The following DNMBP variants were observed in gnomAD, a reference collection of about 807,000 sequenced individuals.
The protein encoded by DNMBP is dynamin-binding protein.
Under a neutral mutation model 150.0 loss-of-function variants are expected in DNMBP, and 87 were observed. The observed-to-expected ratio is 0.58, with a 90% CI of 0.49 to 0.69. The LOEUF (loss-of-function observed/expected upper bound fraction) is 0.69, where lower values mean the gene tolerates loss of function less well. DNMBP is among the 30% of genes least tolerant of loss of function. DNMBP has a pLI of 0.00. For synonymous variants in DNMBP, 711 were observed against 750.4 expected, an observed-to-expected ratio of 0.95 and a Z score of 0.86; for missense variants, 1,774 against 1,949.0, an observed-to-expected ratio of 0.91 and a Z score of 1.69.
rs544221244 is a variant in DNMBP at position 99,978,421 on chromosome 10, C to A, written c.-10-6287G>T. Among the ~76,000 whole-genome samples the A allele has an allele frequency of 2.0e-5, 3 of 152,248 alleles. No homozygotes were observed. The South Asian group carries it at 6.2e-4, about 32-fold the overall frequency. ...CTGCAGTTACTTTATCACATATTATCTATCCCTTTATTCGTTTATCAATTT... is the reference window on the plus strand; with the variant it reads ...CTGCAGTTACTTTATCACATATTATATATCCCTTTATTCGTTTATCAATTT... On this transcript the variant is annotated intron_variant, in intron 1 of 16. Coordinates refer to ENST00000324109, the MANE Select transcript of DNMBP (RefSeq NM_015221.4).
Position 100,005,781 on chromosome 10 carries a change from AAAACC to A in DNMBP, c.-11+4052_-11+4056del, listed in dbSNP as rs1175992299. On this transcript the variant is annotated intron_variant, in intron 1 of 16. Coordinates refer to ENST00000324109, the MANE Select transcript of DNMBP (RefSeq NM_015221.4). ...AAAGTCTCCAAAAAAAAAAAAAAAA[AAAACC>A]AAACTACATAAAGGAAAATGAATTA... Among the ~76,000 whole-genome samples the A allele has an allele frequency of 1.4e-3, 180 of 132,352 alleles. 5 individuals carry two copies. Among genetic ancestry groups the A allele is most frequent in the South Asian group, 8.4e-3 (37 of 4,428 alleles). 86.8% of individuals were successfully genotyped at this position (132,352 alleles called of 152,430 possible).
At chr10:99,943,022 C>T (rs1050793163) in intron 4 of DNMBP, among the ~76,000 whole-genome samples, 4 of 152,130 alleles carry the variant, frequency 2.6e-5, no homozygotes, top group Admixed American at 2.6e-4. Context: ...GTGGCTTACA[C>T]CTGTAATCCC....
chr10:99,909,226 A>C, intron 4 of DNMBP, 80 bp from the exon 5 acceptor site: 1 of 1,162,882 alleles, frequency 8.6e-7, no homozygotes, highest in Non-Finnish European at 1.2e-6. Context: ...AACAGAACCC[A>C]TTTCCTGAGA....
At position 99,884,215 on chromosome 10, in the gene DNMBP, A is replaced by AG. The variant is rs2039420178; in HGVS notation, c.3799-7dup. 1 of 1,608,292 alleles carries AG rather than the reference A, an allele frequency of 6.2e-7. No homozygotes were observed. Among genetic ancestry groups the AG allele is most frequent in the Non-Finnish European group, 8.5e-7 (1 of 1,176,340 alleles). On this transcript the variant is annotated splice_polypyrimidine_tract_variant and splice_region_variant and intron_variant, in intron 14 of 16. Coordinates refer to ENST00000324109, the MANE Select transcript of DNMBP (RefSeq NM_015221.4). ...GACTGTAGCATGTAACTTGGCTGAA[A>AG]GGTAAGACGTTAACAAAAATCTCTC...
chr10:99,890,245 A>G (rs1252665436), intron 11 of DNMBP, among the ~76,000 whole-genome samples: 2 of 152,222 alleles, frequency 1.3e-5, no homozygotes, highest in Non-Finnish European at 2.9e-5. Context: ...ATATCAGCCC[A>G]TATGCCAATG....
intron 11 of DNMBP, 88 bp downstream of exon 11, chr10:99,894,858 G>A: frequency 1.0e-6 from 1 of 1,003,070 alleles, no homozygotes; most frequent in Non-Finnish European, 1.5e-6. Context: ...AGATTACTCA[G>A]CATTCATTAA....
intron 1 of DNMBP, among the ~76,000 whole-genome samples, chr10:99,993,246 G>T (rs775959892): frequency 2.6e-5 from 4 of 152,128 alleles, no homozygotes; most frequent in Non-Finnish European, 5.9e-5. Flanking sequence ...GCATTGGGAT[G>T]TATTCTGGTA....
intron 1 of DNMBP, among the ~76,000 whole-genome samples, chr10:99,973,449 C>G (rs912834697): frequency 2.0e-5 from 3 of 152,122 alleles, no homozygotes; most frequent in Admixed American, 6.5e-5. Context: ...AAATACAATA[C>G]TTTAAAAAGT....
intron 1 of DNMBP, among the ~76,000 whole-genome samples, chr10:99,993,619 T>C (rs182437959): frequency 1.5e-3 from 223 of 152,182 alleles, no homozygotes; most frequent in African/African-American, 4.9e-3. Context: ...CTGGGCAACA[T>C]AGTGAGACTG....
chr10:99,891,752 A>C (rs1389116089), intron 11 of DNMBP, among the ~76,000 whole-genome samples: 3 of 137,806 alleles, frequency 2.2e-5, no homozygotes, highest in Admixed American at 1.4e-4. Flanking sequence ...GGCCGCCATC[A>C]CATCTAGGAA....
In DNMBP at chr10:99,954,202, A is replaced by AT. The variant is rs563780070; in HGVS notation, c.2260+1011dup. 3.4e-3 allele frequency among the ~76,000 whole-genome samples: 513 copies of AT among 151,612 alleles called. 3 individuals carry two copies. Among genetic ancestry groups the AT allele is most frequent in the African/African-American group, 0.011 (471 of 41,342 alleles). On this transcript the variant is annotated intron_variant, in intron 4 of 16. Transcript: ENST00000324109. ...GATATACCACCACTCCTGGCTAATT[A>AT]TTTTTTGTATTTTTTTGTAGAAGCA...
intron 4 of DNMBP, among the ~76,000 whole-genome samples, chr10:99,931,870 T>G (rs1035180593): frequency 1.3e-5 from 2 of 152,166 alleles, no homozygotes; most frequent in South Asian, 4.1e-4. Flanking sequence ...GCATGGCAAG[T>G]GGAGGCTTCA....
chr10:99,931,323 T>C (rs966902005), intron 4 of DNMBP, among the ~76,000 whole-genome samples: 7 of 152,164 alleles, frequency 4.6e-5, no homozygotes, highest in Non-Finnish European at 1.0e-4. Flanking sequence ...CAGGACTTCA[T>C]CCCTTAACTT....
chr10:99,907,870 C>T, intron 6 of DNMBP, 125 bp downstream of exon 6: 1 of 664,392 alleles, frequency 1.5e-6, no homozygotes, highest in Admixed American at 2.8e-5. Context: ...CAAGTAACCT[C>T]TGGACTAAGT....
At chr10:99,948,171 T>A (rs957781548) in intron 4 of DNMBP, among the ~76,000 whole-genome samples, 1 of 152,188 alleles carries the variant, frequency 6.6e-6, no homozygotes, top group Non-Finnish European at 1.5e-5. Flanking sequence ...TTAAAATATA[T>A]AATCATATCA....
Position 99,881,010 on chromosome 10 carries a change from G to A in DNMBP, c.3998-649C>T, listed in dbSNP as rs557809134. On this transcript the variant is annotated intron_variant, in intron 15 of 16. Coordinates refer to ENST00000324109, the MANE Select transcript of DNMBP (RefSeq NM_015221.4). ...GGTGGCTGAGGAGGGCAGATCACCA[G>A]AGGTCAGGAGTTCACAACCAGCCTG... is the stretch of plus-strand genomic sequence containing the variant. Among the ~76,000 whole-genome samples the A allele has an allele frequency of 8.5e-5, 13 of 152,318 alleles. No homozygotes were observed. In the South Asian group the frequency reaches 2.5e-3, roughly 29 times the overall value.
At chr10:99,917,840 T>C (rs1281976258) in intron 4 of DNMBP, among the ~76,000 whole-genome samples, 1 of 151,612 alleles carries the variant, frequency 6.6e-6, no homozygotes, top group Non-Finnish European at 1.5e-5. Flanking sequence ...GGTGCCCACC[T>C]GTAGTGTAGT....
intron 1 of DNMBP, among the ~76,000 whole-genome samples, chr10:99,979,341 A>C (rs1325235961): frequency 6.6e-6 from 1 of 152,204 alleles, no homozygotes; most frequent in Non-Finnish European, 1.5e-5. Context: ...AAAAGGAGAC[A>C]CTCACTCAGT....
At chr10:99,964,467 C>T (rs1197772519) in intron 3 of DNMBP, among the ~76,000 whole-genome samples, 1 of 151,596 alleles carries the variant, frequency 6.6e-6, no homozygotes. Context: ...TACTCCCCTC[C>T]ACCCCCCACC....
Sources: allele counts gnomAD v4.1 joint callset (sites outside exome capture counted in the v4.1 genomes callset), GRCh38; gene constraint gnomAD v4.1.1; transcripts MANE v1.5; gene names NCBI Gene and HGNC (gene_info 2026-07-23, HGNC 2026-07-21).